Variants in PTK2B observed in about 807,000 individuals in gnomAD.
PTK2B encodes protein-tyrosine kinase 2-beta.
In PTK2B, 71 loss-of-function variants were observed where a neutral mutation model predicts 142.9. That is an observed-to-expected ratio of 0.50 (90% confidence interval 0.41 to 0.61). PTK2B has a LOEUF of 0.61. Ranked by LOEUF, PTK2B falls within the 20% of genes least tolerant of loss-of-function variation. PTK2B has a pLI of 0.00. For missense variants in PTK2B, 1,105 were observed against 1,320.4 expected, an observed-to-expected ratio of 0.84 and a Z score of 2.53; for synonymous variants, 519 against 503.4, an observed-to-expected ratio of 1.03 and a Z score of -0.42.
intron 5 of PTK2B, among the ~76,000 whole-genome samples, chr8:27,428,798 T>C (rs2131983857): frequency 6.6e-6 from 1 of 152,368 alleles, no homozygotes; most frequent in South Asian, 2.1e-4. Context: ...TAAGAGGTAA[T>C]TACTTATTTT....
At chr8:27,328,521 A>G (rs1803550177) in intron 1 of PTK2B, among the ~76,000 whole-genome samples, 1 of 152,184 alleles carries the variant, frequency 6.6e-6, no homozygotes, top group South Asian at 2.1e-4. Flanking sequence ...TCCAGTGGCT[A>G]AATCTCCCCA....
intron 1 of PTK2B, among the ~76,000 whole-genome samples, chr8:27,394,763 C>G (rs561511539): frequency 2.2e-4 from 34 of 152,320 alleles, no homozygotes; most frequent in Admixed American, 7.2e-4. Flanking sequence ...CATTGTACAA[C>G]TGTACAAAAA....
At chr8:27,439,495 A>G (rs888704064) in intron 20 of PTK2B, 97 bp downstream of exon 20, 1 of 1,290,788 alleles carries the variant, frequency 7.7e-7, no homozygotes, top group Non-Finnish European at 1.1e-6. Context: ...TCTGACCTCC[A>G]CCCTCCGTTC....
chr8:27,331,546 C>G (rs1469733373), intron 1 of PTK2B, among the ~76,000 whole-genome samples: 2 of 152,124 alleles, frequency 1.3e-5, no homozygotes, highest in African/African-American at 2.4e-5. Context: ...GCCACCACAC[C>G]TGGCTTATTT....
chr8:27,415,749 C>A (rs909472981), intron 2 of PTK2B, among the ~76,000 whole-genome samples: 2 of 151,704 alleles, frequency 1.3e-5, no homozygotes, highest in Non-Finnish European at 2.9e-5. Flanking sequence ...GAGAGTAAGC[C>A]CCAAAATAAA....
intron 5 of PTK2B, among the ~76,000 whole-genome samples, chr8:27,425,521 CT>C (rs945229708): frequency 3.3e-5 from 5 of 152,044 alleles, no homozygotes; most frequent in African/African-American, 1.2e-4. Context: ...TATATACCCC[CT>C]TCCCCACACA....
chr8:27,443,069 C>A (rs914133131), intron 22 of PTK2B, 86 bp downstream of exon 22: 1 of 825,814 alleles, frequency 1.2e-6, no homozygotes, highest in East Asian at 2.6e-5. Flanking sequence ...ACTGCACAGG[C>A]AGGATGCCCC....
intron 2 of PTK2B, 82 bp downstream of exon 2, chr8:27,397,870 C>G: frequency 1.9e-6 from 1 of 529,880 alleles, no homozygotes; most frequent in Non-Finnish European, 2.9e-6. Context: ...CCTGCAGCCT[C>G]GCAGCTCTCC....
chr8:27,324,051 C>T (rs1161193568), upstream of PTK2B, among the ~76,000 whole-genome samples: 2 of 152,228 alleles, frequency 1.3e-5, no homozygotes, highest in African/African-American at 4.8e-5. Flanking sequence ...ACTCAGCCTT[C>T]ATCACTTCAT....
chr8:27,437,769 G>A lies in PTK2B; in HGVS notation c.1532G>A (p.Gly511Asp). The change falls in exon 18 of 31, where the codon GGC becomes GAC. Residue 511 changes from glycine (G) to aspartate (D), a missense_variant. Physicochemically the swap from Gly to Asp is moderately conservative, Grantham distance 94. Coordinates refer to ENST00000346049, the MANE Select transcript of PTK2B (RefSeq NM_173176.3). ...GGCACCTCCCCATTCCTGCAGCTGG[G>A]CCACTACCTGGAGCGGAACAAGAAC... The part of the protein sequence containing the change: ...IMELYPYGEL[G>D]HYLERNKNSL... The A allele has an allele frequency of 1.2e-6, 2 of 1,610,108 alleles. No individual in the cohort carries two copies. The highest frequency in any genetic ancestry group is 1.7e-6 in the Non-Finnish European group (2 of 1,178,594).
intron 21 of PTK2B, among the ~76,000 whole-genome samples, chr8:27,441,044 G>A (rs141755667): frequency 1.3e-3 from 204 of 152,240 alleles, no homozygotes; most frequent in African/African-American, 4.6e-3. Flanking sequence ...TGGGAGATCT[G>A]ACTTCTTTTG....
intron 22 of PTK2B, among the ~76,000 whole-genome samples, chr8:27,443,983 A>T (rs1163903334): frequency 6.6e-6 from 1 of 152,218 alleles, no homozygotes; most frequent in Non-Finnish European, 1.5e-5. Flanking sequence ...AATTAGCCAT[A>T]GCCCCGGGAG....
At chr8:27,361,366 G>T (rs1805692438) in intron 1 of PTK2B, among the ~76,000 whole-genome samples, 1 of 152,098 alleles carries the variant, frequency 6.6e-6, no homozygotes, top group African/African-American at 2.4e-5. Flanking sequence ...CCACAGGCAT[G>T]CACCACCATG....
At chr8:27,318,205 GTTC>G (rs1449482039) in intron 3 of PTK2B, among the ~76,000 whole-genome samples, 32 of 152,172 alleles carry the variant, frequency 2.1e-4, no homozygotes, top group African/African-American at 7.7e-4. Context: ...CTGTCTAGAA[GTTC>G]TTCTTGTTCC....
At chr8:27,359,961 G>T (rs1023500822) in intron 1 of PTK2B, among the ~76,000 whole-genome samples, 1 of 152,176 alleles carries the variant, frequency 6.6e-6, no homozygotes, top group African/African-American at 2.4e-5. Flanking sequence ...TGATACCCAG[G>T]TGGCCTCCAT....
intron 22 of PTK2B, 132 bp from the exon 23 acceptor site, chr8:27,444,074 T>C (rs1005568747): frequency 1.1e-6 from 1 of 916,276 alleles, no homozygotes; most frequent in African/African-American, 1.6e-5. Flanking sequence ...ATGAGTTTCA[T>C]GACAGCTTTG....
At chr8:27,417,427 C>T (rs1192488336) in intron 2 of PTK2B, among the ~76,000 whole-genome samples, 3 of 149,172 alleles carry the variant, frequency 2.0e-5, no homozygotes, top group East Asian at 2.0e-4. Flanking sequence ...ACTGGAGAGG[C>T]GGGAGGTAGT....
At chr8:27,372,880 A>G (rs1563229160) in intron 1 of PTK2B, among the ~76,000 whole-genome samples, 1 of 152,214 alleles carries the variant, frequency 6.6e-6, no homozygotes, top group East Asian at 1.9e-4. Context: ...CTGCACTAGC[A>G]TTTAAAGATT....
chr8:27,451,073 C>A lies in PTK2B; in HGVS notation c.2518C>A (p.Pro840Thr). 6.2e-7 allele frequency: 1 copy of A among 1,612,552 alleles called. No individual in the cohort carries two copies. Among genetic ancestry groups the A allele is most frequent in the Non-Finnish European group, 8.5e-7 (1 of 1,178,580 alleles). Reference protein sequence around the residue: ...DPMVYMNDKSPLTPEKEVGYL... With the variant: ...DPMVYMNDKSTLTPEKEVGYL... ...CATGGTTTATATGAATGATAAGTCC[C>A]CATTGGTGAGTTGCCAGGAGAGGCC... The change falls in exon 26 of 31, where the codon CCA (proline) becomes ACA (threonine). Residue 840 changes from proline (P) to threonine (T), a missense_variant. Physicochemically the swap from Pro to Thr is conservative, Grantham distance 38. Coordinates refer to ENST00000346049, the MANE Select transcript of PTK2B (RefSeq NM_173176.3).
Sources: gnomAD v4.1 joint callset for allele counts (sites outside exome capture counted in the v4.1 genomes callset) on GRCh38, gnomAD v4.1.1 for gene constraint, MANE v1.5 for transcripts, NCBI Gene and HGNC (gene_info 2026-07-23, HGNC 2026-07-21) for gene names.